Variants in HSPBAP1 observed in about 807,000 individuals in gnomAD.
The protein encoded by HSPBAP1 is HSPB1-associated protein 1.
In HSPBAP1, 27 loss-of-function variants were observed where a neutral mutation model predicts 45.2. The ratio of observed to expected loss-of-function variants is 0.60; its 90% CI spans 0.44 to 0.82. The LOEUF (loss-of-function observed/expected upper bound fraction) is 0.82. HSPBAP1 is among the 40% of genes least tolerant of loss of function. The pLI, the probability that HSPBAP1 is intolerant of heterozygous loss-of-function variation, is 0.00. For missense variants in HSPBAP1, 510 were observed against 590.9 expected, an observed-to-expected ratio of 0.86 and a Z score of 1.42; for synonymous variants, 204 against 202.7, an observed-to-expected ratio of 1.01 and a Z score of -0.06.
At chr3:122,746,778 G>A (rs554204353) in intron 6 of HSPBAP1, among the ~76,000 whole-genome samples, 4,896 of 152,120 alleles carry the variant, frequency 0.032, 109 homozygotes, top group Middle Eastern at 0.071. Context: ...TCGGCCTGCC[G>A]AGTGCCTGCG....
At chr3:122,780,802 G>A (rs1463467445) in intron 1 of HSPBAP1, among the ~76,000 whole-genome samples, 13 of 150,686 alleles carry the variant, frequency 8.6e-5, no homozygotes, top group African/African-American at 2.9e-4. Flanking sequence ...CTCAGACGGG[G>A]CGGTTGCCAG....
chr3:122,761,188 G>A (rs1934570078), intron 3 of HSPBAP1, among the ~76,000 whole-genome samples: 1 of 152,152 alleles, frequency 6.6e-6, no homozygotes, highest in Non-Finnish European at 1.5e-5. Flanking sequence ...AAAAAAGAGA[G>A]ACTTGCCTTA....
rs776610268 is a variant in HSPBAP1 at position 122,793,732 on chromosome 3, T to TG, written c.-53dup. 2.5e-6 allele frequency: 4 copies of TG among 1,585,644 alleles called. No homozygotes were observed. Among genetic ancestry groups the TG allele is most frequent in the Non-Finnish European group, 3.5e-6 (4 of 1,156,330 alleles). On this transcript the variant is annotated 5_prime_UTR_variant, in exon 1 of 8. Transcript: ENST00000306103. ...AACCCAAGGCGGAGCGGAGCTGGGG[T>TG]GGGGTCAGAGTAGGGGCCAAACTCC... is the stretch of plus-strand genomic sequence containing the variant.
rs147814964 is a variant in HSPBAP1 at position 122,777,740 on chromosome 3, C to A, written c.231G>T (p.Gly77=). Reference sequence around the variant, plus strand: ...TCATACCTGTGCTCATGCTTTTCATCCCCATTCTGAATCGTATCTGCTTGC... The same window carrying A: ...TCATACCTGTGCTCATGCTTTTCATACCCATTCTGAATCGTATCTGCTTGC... ...LHGKQIRFRM[G]MKSMSTVPQF... The change falls in exon 2 of 8, where the codon GGG becomes GGT. Residue 77 remains glycine (G), a synonymous_variant. Coordinates refer to ENST00000306103, the MANE Select transcript of HSPBAP1 (RefSeq NM_024610.6). 299 of 1,613,538 alleles carry A rather than the reference C, an allele frequency of 1.9e-4. No homozygotes were observed. In the African/African-American group the frequency reaches 2.7e-3, roughly 15 times the overall value.
Position 122,755,319 on chromosome 3 carries a change from T to C in HSPBAP1, c.682A>G (p.Lys228Glu), listed in dbSNP as rs371493689. The C allele has an allele frequency of 2.5e-6, 4 of 1,605,922 alleles. No homozygotes were observed. In the African/African-American group the frequency reaches 4.0e-5, roughly 16 times the overall value. Residue 228 changes from lysine to glutamate, a missense_variant, in exon 5 of 8, where the codon AAG (lysine) becomes GAG (glutamate). Physicochemically the swap from Lys to Glu is moderately conservative, Grantham distance 56. Coordinates refer to ENST00000306103, the MANE Select transcript of HSPBAP1 (RefSeq NM_024610.6). ...SKINVVNPDL[K>E]RFPQFRKAQR... ...GCTTTCCGGAACTGAGGAAAACGCT[T>C]TAAATCAGGATTGACAACATTGATT... is the stretch of plus-strand genomic sequence containing the variant.
At chr3:122,748,107 T>C (rs1246309897) in intron 6 of HSPBAP1, among the ~76,000 whole-genome samples, 1 of 152,216 alleles carries the variant, frequency 6.6e-6, no homozygotes, top group Non-Finnish European at 1.5e-5. Flanking sequence ...CTCTGAAACA[T>C]GTGCTGTGTC....
intron 4 of HSPBAP1, 29 bp downstream of exon 4, chr3:122,759,185 CCACACACACA>C (rs10657578): frequency 2.5e-5 from 36 of 1,463,870 alleles, no homozygotes; most frequent in South Asian, 1.0e-4. Context: ...CATGTGCGTT[CCACACACACA>C]CACACACACA....
chr3:122,752,730 C>A, intron 5 of HSPBAP1, 56 bp from the exon 6 acceptor site: 1 of 1,486,570 alleles, frequency 6.7e-7, no homozygotes, highest in Non-Finnish European at 9.1e-7. Context: ...ATTTTTATGT[C>A]AGAATCAGAC....
In HSPBAP1 at chr3:122,793,720, G is replaced by A. The variant is rs1935913125; in HGVS notation, c.-40C>T. The stretch of plus-strand genomic sequence containing the variant: ...GGGTTCTGCCGGAACCCAAGGCGGA[G>A]CGGAGCTGGGGTGGGGTCAGAGTAG... On this transcript the variant is annotated 5_prime_UTR_variant, in exon 1 of 8. Transcript: ENST00000306103. The A allele has an allele frequency of 6.2e-7, 1 of 1,603,782 alleles. No homozygotes were observed. Among genetic ancestry groups the A allele is most frequent in the Non-Finnish European group, 8.5e-7 (1 of 1,171,760 alleles).
chr3:122,788,869 C>T (rs1038889932), intron 1 of HSPBAP1, among the ~76,000 whole-genome samples: 1 of 152,138 alleles, frequency 6.6e-6, no homozygotes, highest in Non-Finnish European at 1.5e-5. Context: ...TAGAGATCAC[C>T]TTCACAATGT....
chr3:122,752,468 A>C, intron 6 of HSPBAP1, 123 bp downstream of exon 6: 1 of 610,178 alleles, frequency 1.6e-6, no homozygotes, highest in Admixed American at 3.5e-5. Flanking sequence ...CACTGCAACA[A>C]AAAAATACTG....
intron 6 of HSPBAP1, among the ~76,000 whole-genome samples, chr3:122,752,070 A>G (rs1176508277): frequency 1.3e-5 from 2 of 152,244 alleles, no homozygotes; most frequent in East Asian, 3.8e-4. Context: ...CAAATAGAGC[A>G]GGCAACCAGG....
intron 4 of HSPBAP1, chr3:122,758,896 C>CAA (rs11369405): frequency 0.029 from 5,847 of 199,394 alleles, 64 homozygotes; most frequent in African/African-American, 0.045. Flanking sequence ...TCTAATTTAC[C>CAA]AAAAAAAAAA....
chr3:122,742,554 G>A (rs1055325174), intron 6 of HSPBAP1, among the ~76,000 whole-genome samples: 2 of 152,190 alleles, frequency 1.3e-5, no homozygotes, highest in Non-Finnish European at 2.9e-5. Flanking sequence ...TTGAGTCAAG[G>A]TGGCTAGACA....
chr3:122,742,851 T>C (rs1162603511), intron 6 of HSPBAP1, among the ~76,000 whole-genome samples: 1 of 152,202 alleles, frequency 6.6e-6, no homozygotes, highest in East Asian at 1.9e-4. Flanking sequence ...AGTAAGCCCA[T>C]TCCTTAAAGT....
intron 6 of HSPBAP1, chr3:122,741,837 T>C (rs537171204): frequency 6.6e-6 from 1 of 152,200 alleles, no homozygotes; most frequent in East Asian, 1.9e-4. Flanking sequence ...GAAGTGCAAA[T>C]TGAGAAATCC....
At chr3:122,769,667 G>A (rs537689024) in intron 2 of HSPBAP1, among the ~76,000 whole-genome samples, 5 of 152,152 alleles carry the variant, frequency 3.3e-5, no homozygotes, top group South Asian at 2.1e-4. Context: ...ATAAATGTTC[G>A]CCACTATTTT....
intron 6 of HSPBAP1, among the ~76,000 whole-genome samples, chr3:122,747,562 C>T (rs1334092874): frequency 2.7e-5 from 4 of 147,832 alleles, no homozygotes; most frequent in East Asian, 2.0e-4. Context: ...CCCGGCCAGC[C>T]GCCCCGTCCG....
intron 1 of HSPBAP1, among the ~76,000 whole-genome samples, chr3:122,780,672 C>A (rs1935416965): frequency 6.6e-6 from 1 of 151,206 alleles, no homozygotes; most frequent in Non-Finnish European, 1.5e-5. Flanking sequence ...CCACCTCCCT[C>A]CCGGACGGGG....
Sources: gnomAD v4.1 joint callset for allele counts (sites outside exome capture counted in the v4.1 genomes callset) on GRCh38, gnomAD v4.1.1 for gene constraint, MANE v1.5 for transcripts, NCBI Gene and HGNC (gene_info 2026-07-23, HGNC 2026-07-21) for gene names.